Variants in TBCD observed in about 807,000 individuals in gnomAD.
TBCD encodes the protein tubulin folding cofactor D, also known as tubulin-specific chaperone D.
Under a neutral mutation model 169.3 loss-of-function variants are expected in TBCD, and 105 were observed. The observed-to-expected ratio is 0.62, with a 90% CI of 0.53 to 0.73. The LOEUF (loss-of-function observed/expected upper bound fraction) is 0.73. TBCD is among the 30% of genes least tolerant of loss of function. The pLI is 0.00. For missense variants in TBCD, 1,444 were observed against 1,600.1 expected (o/e 0.90, Z 1.66); for synonymous variants, 700 against 643.9 (o/e 1.09, Z -1.32).
chr17:82,805,974 A>AGATGACGACGTC lies in TBCD; in HGVS notation c.1051_1062dup (p.Asp351_Val354dup). 6.2e-7 allele frequency: 1 copy of AGATGACGACGTC among 1,613,784 alleles called. No individual in the cohort carries two copies. The highest frequency in any genetic ancestry group is 8.5e-7 in the Non-Finnish European group (1 of 1,179,756). On this transcript the variant is annotated inframe_insertion, in exon 10 of 39. Coordinates refer to ENST00000355528, the MANE Select transcript of TBCD (RefSeq NM_005993.5). Reference sequence around the variant, plus strand: ...TCATCCTGACCGAAGATGACGACGAAGATGACGACGTCCCAGAGGGGGTGG... The same window carrying AGATGACGACGTC: ...TCATCCTGACCGAAGATGACGACGAAGATGACGACGTCGATGACGACGTCCCAGAGGGGGTGG...
chr17:82,780,698 G>A (rs1381112476), intron 6 of TBCD, among the ~76,000 whole-genome samples: 1 of 144,676 alleles, frequency 6.9e-6, no homozygotes, highest in African/African-American at 2.6e-5. Context: ...AGGCTGGAGT[G>A]CAGTGGCACA....
At chr17:82,852,998 A>G (rs1378609163) in intron 13 of TBCD, among the ~76,000 whole-genome samples, 1 of 152,170 alleles carries the variant, frequency 6.6e-6, no homozygotes, top group Non-Finnish European at 1.5e-5. Flanking sequence ...GCGGCTCCCG[A>G]GGACGAGAGC....
chr17:82,804,724 C>T (rs913497720), intron 9 of TBCD, among the ~76,000 whole-genome samples: 4 of 152,206 alleles, frequency 2.6e-5, no homozygotes, highest in Non-Finnish European at 4.4e-5. Context: ...TGGAAGGTGG[C>T]AGCTCTCACC....
chr17:82,839,411 A>T (rs2054270853), intron 13 of TBCD, among the ~76,000 whole-genome samples: 7 of 151,934 alleles, frequency 4.6e-5, no homozygotes. Flanking sequence ...TATAACCCTA[A>T]ATTCAGCCCT....
At position 82,831,770 on chromosome 17, in the gene TBCD, C is replaced by T. The variant is rs1234682267; in HGVS notation, c.1318+16836C>T. The T allele has an allele frequency of 6.2e-7, 1 of 1,614,178 alleles. No homozygotes were observed. The highest frequency in any genetic ancestry group is 2.2e-5 in the East Asian group (1 of 44,880). ...GGGTGCATGTAAGGGGAAATGGCCCCAAGCCCCTTTGTAGATGAGATTTTA... is the reference window on the plus strand; with the variant it reads ...GGGTGCATGTAAGGGGAAATGGCCCTAAGCCCCTTTGTAGATGAGATTTTA... On this transcript the variant is annotated intron_variant, in intron 13 of 38. Transcript: ENST00000355528. The surrounding 1 kb of genome is among the most constrained non-coding windows in gnomAD (Gnocchi z 4.6).
chr17:82,885,731 C>A (rs1287477651), intron 15 of TBCD, among the ~76,000 whole-genome samples: 1 of 152,064 alleles, frequency 6.6e-6, no homozygotes, highest in Non-Finnish European at 1.5e-5. Flanking sequence ...CTTCTATGAA[C>A]CCTGAATATG....
rs2063522628 is a variant in TBCD at position 82,944,270 on chromosome 17, C to G, written c.*1807C>G. The G allele has an allele frequency of 6.6e-6, 1 of 152,040 alleles. No homozygotes were observed. The highest frequency in any genetic ancestry group is 1.5e-5 in the Non-Finnish European group (1 of 67,994). 9.4% of individuals were successfully genotyped at this position (152,040 alleles called of 1,614,324 possible). ...TGGATCACTCCACTGGCCACTGCCT[C>G]TTTCCCACTGGATCCCATCCATCAC... is the stretch of plus-strand genomic sequence containing the variant. On this transcript the variant is annotated 3_prime_UTR_variant, in exon 39 of 39. Transcript: ENST00000355528.
Position 82,922,635 on chromosome 17 carries a change from GATTA to G in TBCD, c.2179-1013_2179-1010del, listed in dbSNP as rs2061486075. 6.6e-6 allele frequency among the ~76,000 whole-genome samples: 1 copy of G among 152,124 alleles called. No homozygotes were observed. Among genetic ancestry groups the G allele is most frequent in the Non-Finnish European group, 1.5e-5 (1 of 68,024 alleles). On this transcript the variant is annotated intron_variant, in intron 25 of 38. Transcript: ENST00000355528. The surrounding 1 kb of genome is among the most constrained non-coding windows in gnomAD (Gnocchi z 4.1). ...TCAAAATTTTATTTCAAAAGTCCAT[GATTA>G]ATTCACACTGGCCATGATGCTGGTG... is the stretch of plus-strand genomic sequence containing the variant.
chr17:82,871,941 A>C lies in TBCD; in HGVS notation c.1475+1561A>C, dbSNP rs145896890. ...CGTTGTGAGGCACACGCTGGTAAGC[A>C]GCTCGTTGTGAGGCACACGCTGGTG... is the stretch of plus-strand genomic sequence containing the variant. On this transcript the variant is annotated intron_variant, in intron 14 of 38. Coordinates refer to ENST00000355528, the MANE Select transcript of TBCD (RefSeq NM_005993.5). Among the ~76,000 whole-genome samples the C allele has an allele frequency of 6.6e-4, 96 of 145,956 alleles. No individual in the cohort carries two copies. The East Asian group carries it at 0.017, about 26-fold the overall frequency.
In TBCD at chr17:82,774,492, C is replaced by T. The variant is rs188601754; in HGVS notation, c.638+1985C>T. ...AACAAACTGATGTCTCTTTCTTTTC[C>T]CCACATTTCCCCCTTTTCTATTCGA... On this transcript the variant is annotated intron_variant, in intron 6 of 38. Transcript: ENST00000355528. 7.3e-4 allele frequency among the ~76,000 whole-genome samples: 111 copies of T among 152,310 alleles called. No homozygotes were observed. The East Asian group carries it at 0.017, about 23-fold the overall frequency.
At chr17:82,778,020 CTT>C (rs1248828511) in intron 6 of TBCD, among the ~76,000 whole-genome samples, 2 of 152,388 alleles carry the variant, frequency 1.3e-5, no homozygotes, top group African/African-American at 4.8e-5. Flanking sequence ...GGCTCGCACT[CTT>C]GTCTTCTGGT....
At chr17:82,921,435 T>C in intron 24 of TBCD, 66 bp from the exon 25 acceptor site, 1 of 1,311,180 alleles carries the variant, frequency 7.6e-7, no homozygotes, top group Admixed American at 1.7e-5. Flanking sequence ...GAAGCTGTTT[T>C]TGCTGTTGTT....
At chr17:82,798,248 G>C (rs578250888) in intron 8 of TBCD, among the ~76,000 whole-genome samples, 6 of 151,336 alleles carry the variant, frequency 4.0e-5, no homozygotes, top group Admixed American at 6.6e-5. Flanking sequence ...CTGGATTCAC[G>C]CCATTCTCCT....
intron 6 of TBCD, among the ~76,000 whole-genome samples, chr17:82,774,797 G>T (rs565297468): frequency 1.4e-4 from 22 of 152,316 alleles, no homozygotes; most frequent in African/African-American, 5.1e-4. Context: ...GTACCGTTCT[G>T]ACTGATTTCT....
chr17:82,769,128 A>G (rs1285654477), intron 5 of TBCD, among the ~76,000 whole-genome samples: 1 of 152,114 alleles, frequency 6.6e-6, no homozygotes, highest in Admixed American at 6.5e-5. Flanking sequence ...GTGGGTCGGG[A>G]GTCTGGCATG....
rs1464338442 is a variant in TBCD at position 82,906,047 on chromosome 17, A to G, written c.1916A>G (p.Glu639Gly). 3 of 1,604,694 alleles carry G rather than the reference A, an allele frequency of 1.9e-6. No homozygotes were observed. Among genetic ancestry groups the G allele is most frequent in the Non-Finnish European group, 2.6e-6 (3 of 1,175,448 alleles). The change falls in exon 20 of 39, where the codon GAG (glutamate) becomes GGG (glycine). Residue 639 changes from glutamate (E) to glycine (G), a missense_variant. Coordinates refer to ENST00000355528, the MANE Select transcript of TBCD (RefSeq NM_005993.5). ...AYALYKLAAQENRPVTDHLDE... is the reference protein window; with the variant it reads ...AYALYKLAAQGNRPVTDHLDE... ...GCCTTGTACAAACTTGCAGCCCAAG[A>G]GAACAGGTAGGAAGAGTGGGTCTCG...
intron 12 of TBCD, 122 bp from the exon 13 acceptor site, chr17:82,814,718 C>A: frequency 1.1e-6 from 1 of 903,094 alleles, no homozygotes; most frequent in Non-Finnish European, 1.7e-6. Context: ...TTTTAGTGAG[C>A]CTTACGTGAG....
intron 17 of TBCD, 52 bp from the exon 18 acceptor site, chr17:82,900,599 G>A (rs2059821177): frequency 6.9e-7 from 1 of 1,446,194 alleles, no homozygotes; most frequent in African/African-American, 1.4e-5. Flanking sequence ...CCCACAGGCA[G>A]TGAGTTCTCG....
chr17:82,911,663 CT>C, intron 22 of TBCD, 94 bp from the exon 23 acceptor site: 1 of 1,261,428 alleles, frequency 7.9e-7, no homozygotes, highest in Non-Finnish European at 1.1e-6. Context: ...CATTTTAATG[CT>C]TTTTGGAGCC....
Sources: allele counts gnomAD v4.1 joint callset (sites outside exome capture counted in the v4.1 genomes callset), GRCh38; gene constraint gnomAD v4.1.1; non-coding constraint Gnocchi (gnomAD v3.1); transcripts MANE v1.5; gene names NCBI Gene and HGNC (gene_info 2026-07-23, HGNC 2026-07-21).